The following GPC4 variants were observed in gnomAD, a reference collection of about 807,000 sequenced individuals.
GPC4 encodes glypican 4.
In GPC4, 10 loss-of-function variants were observed where a neutral mutation model predicts 35.0. That is an observed-to-expected ratio of 0.29 (90% CI 0.18 to 0.48). GPC4 has a LOEUF of 0.48. Ranked by LOEUF, GPC4 falls within the 20% of genes least tolerant of loss-of-function variation. The pLI, the probability that GPC4 is intolerant of heterozygous loss-of-function variation, is 0.99. For missense variants in GPC4, 322 were observed against 451.3 expected, an observed-to-expected ratio of 0.71 and a Z score of 2.60; for synonymous variants, 167 against 170.2, an observed-to-expected ratio of 0.98 and a Z score of 0.15.
intron 4 of GPC4, among the ~76,000 whole-genome samples, chrX:133,309,340 C>G (rs990055300): frequency 3.6e-5 from 4 of 112,253 alleles, no homozygotes; most frequent in African/African-American, 1.3e-4. Context: ...AAATGCCCAA[C>G]AAGAACAACA....
chrX:133,392,688 G>C (rs1419486854), intron 1 of GPC4, among the ~76,000 whole-genome samples: 1 of 107,208 alleles, frequency 9.3e-6, no homozygotes, highest in African/African-American at 3.4e-5. Context: ...AAAAAGGAGA[G>C]CATAATAATC....
chrX:133,345,025 C>A (rs1200861514), intron 1 of GPC4, among the ~76,000 whole-genome samples: 3 of 112,447 alleles, frequency 2.7e-5, no homozygotes, highest in Non-Finnish European at 5.6e-5. Context: ...AAGAGTGCCT[C>A]ACTTGAGTTA....
At chrX:133,319,443 C>CAAAAAAA (rs369290840) in intron 3 of GPC4, among the ~76,000 whole-genome samples, 22 of 16,789 alleles carry the variant, frequency 1.3e-3, no homozygotes, top group Admixed American at 3.4e-3. Context: ...GACCCTATGT[C>CAAAAAAA]AAAAAAAAAA....
chrX:133,389,118 A>G (rs2068707475), intron 1 of GPC4, among the ~76,000 whole-genome samples: 1 of 109,344 alleles, frequency 9.1e-6, no homozygotes, highest in South Asian at 4.1e-4. Flanking sequence ...CACTATACCC[A>G]GCCAATTTTT....
chrX:133,312,638 AAAGAAAGG>A (rs1224314537), intron 3 of GPC4, among the ~76,000 whole-genome samples: 2 of 98,575 alleles, frequency 2.0e-5, no homozygotes. Flanking sequence ...CAAAAGAAAG[AAAGAAAGG>A]AAGAAAGGAA....
chrX:133,390,421 T>C (rs192979539), intron 1 of GPC4, among the ~76,000 whole-genome samples: 5 of 111,789 alleles, frequency 4.5e-5, no homozygotes, highest in African/African-American at 1.3e-4. Context: ...ACCACAGCCA[T>C]AGGAGAAGCC....
At chrX:133,413,624 G>C (rs1369217154) in intron 1 of GPC4, among the ~76,000 whole-genome samples, 2 of 81,955 alleles carry the variant, frequency 2.4e-5, no homozygotes, top group Non-Finnish European at 4.3e-5. Flanking sequence ...TCGGAGTGGA[G>C]GCTCAGCCCC....
At chrX:133,402,009 T>C (rs1462852560) in intron 1 of GPC4, among the ~76,000 whole-genome samples, 1 of 112,297 alleles carries the variant, frequency 8.9e-6, no homozygotes, top group African/African-American at 3.2e-5. Context: ...ATTAAGGCAA[T>C]TTAAACAATA....
chrX:133,318,234 G>C (rs748196750), intron 3 of GPC4, among the ~76,000 whole-genome samples: 12 of 112,091 alleles, frequency 1.1e-4, no homozygotes, highest in African/African-American at 3.9e-4. Context: ...AGTTGAATAT[G>C]TGTCTACACT....
intron 1 of GPC4, among the ~76,000 whole-genome samples, chrX:133,345,132 A>G (rs1195916022): frequency 8.9e-6 from 1 of 111,977 alleles, no homozygotes; most frequent in African/African-American, 3.3e-5. Flanking sequence ...TTCTGCAGAG[A>G]TAACAGCAGC....
At position 133,303,048 on chromosome X, in the gene GPC4, C is replaced by T; in HGVS notation, c.1490G>A (p.Gly497Glu). ...CTGATACTCACAGCCACTTCCACTT[C>T]CTTCTCCACTACTTTCATCACCTAG... ...FDISDESSGE[G>E]SGSGCEYQQC... is the part of the protein sequence containing the mutation. Residue 497 changes from glycine (G) to glutamate (E), a missense_variant, in exon 9 of 9, where the codon GGA becomes GAA. By Grantham distance (98) the Gly-to-Glu change is moderately conservative (BLOSUM62 -2). Transcript: ENST00000370828. The T allele has an allele frequency of 8.3e-7, 1 of 1,211,374 alleles. No individual in the cohort carries two copies. Among genetic ancestry groups the T allele is most frequent in the Non-Finnish European group, 1.1e-6 (1 of 895,268 alleles).
chrX:133,346,557 G>A (rs2068492012), intron 1 of GPC4, among the ~76,000 whole-genome samples: 1 of 111,026 alleles, frequency 9.0e-6, no homozygotes, highest in South Asian at 3.9e-4. Context: ...TATCCTGGAT[G>A]GGATCCTGGA....
chrX:133,399,818 T>C (rs1467895535), intron 1 of GPC4, among the ~76,000 whole-genome samples: 5 of 111,642 alleles, frequency 4.5e-5, no homozygotes, highest in African/African-American at 1.6e-4. Flanking sequence ...CTGGCCAACA[T>C]GGCAAAACCC....
At chrX:133,319,636 T>C (rs1289499939) in intron 3 of GPC4, among the ~76,000 whole-genome samples, 3 of 109,665 alleles carry the variant, frequency 2.7e-5, no homozygotes, top group African/African-American at 1.0e-4. Context: ...CTTGGGTTGT[T>C]CTAGATCCAC....
chrX:133,409,415 C>G (rs780745809), intron 1 of GPC4, among the ~76,000 whole-genome samples: 14 of 102,440 alleles, frequency 1.4e-4, no homozygotes, highest in African/African-American at 4.5e-4. Context: ...AATCTATCAT[C>G]AAGGCAGTAT....
At chrX:133,303,956 A>AGGAAGGAAGGAAGGAG (rs2068279710) in intron 7 of GPC4, among the ~76,000 whole-genome samples, 1 of 108,268 alleles carries the variant, frequency 9.2e-6, no homozygotes, top group African/African-American at 3.4e-5. Flanking sequence ...GAAGGAAGGA[A>AGGAAGGAAGGAAGGAG]GCTAGCTATC....
rs188445165 is a variant in GPC4, at chrX:133,313,211, G to C, written c.712-1788C>G. 9.8e-5 allele frequency among the ~76,000 whole-genome samples: 11 copies of C among 111,880 alleles called. No individual in the cohort carries two copies. The East Asian group carries it at 3.1e-3, about 32-fold the overall frequency. Reference sequence around the variant, plus strand: ...AGTGCCCTTAGGAACAGGAACAGGGGATTAGTGGTGTCAGGAGAAAAAAAA... The same window carrying C: ...AGTGCCCTTAGGAACAGGAACAGGGCATTAGTGGTGTCAGGAGAAAAAAAA... On this transcript the variant is annotated intron_variant, in intron 3 of 8. Coordinates refer to ENST00000370828, the MANE Select transcript of GPC4 (RefSeq NM_001448.3).
chrX:133,354,850 G>A (rs2068534660), intron 1 of GPC4, among the ~76,000 whole-genome samples: 4 of 109,598 alleles, frequency 3.6e-5, no homozygotes, highest in African/African-American at 1.3e-4. Context: ...TTACAGGCGT[G>A]AGCCACCGCG....
At chrX:133,329,016 T>C (rs1228427134) in intron 2 of GPC4, among the ~76,000 whole-genome samples, 2 of 111,801 alleles carry the variant, frequency 1.8e-5, no homozygotes, top group African/African-American at 3.3e-5. Context: ...ATATACATTC[T>C]AAAGATAAAG....
Sources: gnomAD v4.1 joint callset for allele counts (sites outside exome capture counted in the v4.1 genomes callset) on GRCh38, gnomAD v4.1.1 for gene constraint, MANE v1.5 for transcripts, NCBI Gene and HGNC (gene_info 2026-07-23, HGNC 2026-07-21) for gene names.